The following WDPCP variants were observed in gnomAD, a reference collection of about 807,000 sequenced individuals.
WDPCP encodes the protein WD repeat containing planar cell polarity effector.
WDPCP carries 71 observed loss-of-function variants against 93.1 expected under a neutral mutation model. That is an observed-to-expected ratio of 0.76 (90% CI 0.63 to 0.93). The LOEUF (loss-of-function observed/expected upper bound fraction) is 0.93. Among genes scored for constraint, WDPCP ranks in the 40% least tolerant of loss-of-function variants. The pLI is 0.00. For synonymous variants in WDPCP, 315 were observed against 315.0 expected, an observed-to-expected ratio of 1.00 and a Z score of 0.00; for missense variants, 844 against 887.4, an observed-to-expected ratio of 0.95 and a Z score of 0.62.
intron 13 of WDPCP, among the ~76,000 whole-genome samples, chr2:63,284,001 A>G (rs192719086): frequency 3.9e-4 from 60 of 152,320 alleles, no homozygotes; most frequent in Admixed American, 1.7e-3. Flanking sequence ...CAAAAAAGAA[A>G]ATATATCGGA....
intron 1 of WDPCP, among the ~76,000 whole-genome samples, chr2:63,825,507 C>G (rs1364960020): frequency 6.6e-6 from 1 of 151,888 alleles, no homozygotes; most frequent in Non-Finnish European, 1.5e-5. Flanking sequence ...ATCAGCTGCT[C>G]TCTCTTTCTC....
chr2:63,584,157 A>AAATAAATAAATTAATGAATAAATACCCAC (rs1708685280), intron 1 of WDPCP, among the ~76,000 whole-genome samples: 1 of 152,092 alleles, frequency 6.6e-6, no homozygotes, highest in Non-Finnish European at 1.5e-5. Context: ...GATGGCCTCA[A>AAATAAATAAATTAATGAATAAATACCCAC]AATAAATAAA....
At chr2:63,460,664 T>C (rs931933894) in intron 6 of WDPCP, among the ~76,000 whole-genome samples, 2 of 151,184 alleles carry the variant, frequency 1.3e-5, no homozygotes, top group African/African-American at 2.4e-5. Context: ...AAGTCTCTCT[T>C]TTTTTTTTGA....
In WDPCP at chr2:63,353,199, C is replaced by A. The variant is rs550858854; in HGVS notation, c.1748+25187G>T. Among the ~76,000 whole-genome samples the A allele has an allele frequency of 2.6e-5, 4 of 152,312 alleles. No homozygotes were observed. In the East Asian group the frequency reaches 7.7e-4, roughly 29 times the overall value. On this transcript the variant is annotated intron_variant, in intron 12 of 17. Transcript: ENST00000272321. ...AACCCACTCCACCGGGGCCTTCAGT[C>A]TGACAGACAGAGCTACCTGGAGTCT...
chr2:63,783,410 ACT>A (rs1402793320), intron 2 of WDPCP, among the ~76,000 whole-genome samples: 5 of 151,944 alleles, frequency 3.3e-5, no homozygotes, highest in Non-Finnish European at 7.4e-5. Context: ...ACAGAGGAAG[ACT>A]CTGTCTCTAA....
intron 13 of WDPCP, among the ~76,000 whole-genome samples, chr2:63,272,994 C>G (rs1682777131): frequency 6.6e-6 from 1 of 152,004 alleles, no homozygotes; most frequent in Admixed American, 6.6e-5. Flanking sequence ...CTAAAAACAG[C>G]AAGAGAAAAG....
chr2:63,575,281 TAC>T (rs1486532937), intron 1 of WDPCP, among the ~76,000 whole-genome samples: 3 of 149,024 alleles, frequency 2.0e-5, no homozygotes, highest in Non-Finnish European at 3.0e-5. Context: ...ACATATTATA[TAC>T]ACATATATAG....
At chr2:63,735,246 G>C (rs771721741) in intron 2 of WDPCP, among the ~76,000 whole-genome samples, 4 of 152,084 alleles carry the variant, frequency 2.6e-5, no homozygotes, top group Non-Finnish European at 5.9e-5. Flanking sequence ...AAAAATTATA[G>C]GTCCCTTGCA....
At chr2:63,500,454 G>GTGTGTGTGTGT (rs1553412903) in intron 1 of WDPCP, among the ~76,000 whole-genome samples, 3,297 of 149,552 alleles carry the variant, frequency 0.022, 55 homozygotes, top group African/African-American at 0.027. Context: ...ATGGTGTGGG[G>GTGTGTGTGTGT]GTGTGTGTGT....
intron 2 of WDPCP, among the ~76,000 whole-genome samples, chr2:63,784,681 T>G (rs989345715): frequency 1.2e-4 from 18 of 151,666 alleles, no homozygotes; most frequent in African/African-American, 4.4e-4. Context: ...AAGTCAAAAT[T>G]TAGGCCCAAT....
intron 2 of WDPCP, among the ~76,000 whole-genome samples, chr2:63,813,099 C>T (rs569408172): frequency 2.0e-5 from 3 of 152,236 alleles, no homozygotes; most frequent in South Asian, 4.1e-4. Context: ...AAGTGATCCT[C>T]CCACCTTAGC....
chr2:63,324,054 T>C (rs6705322), intron 12 of WDPCP, among the ~76,000 whole-genome samples: 121,419 of 151,864 alleles, frequency 0.8, 49,419 homozygotes, highest in East Asian at 0.96. Flanking sequence ...GAAAAAGAGG[T>C]GGCTCATTTT....
At chr2:63,647,777 C>A (rs1710068191) in intron 3 of WDPCP, among the ~76,000 whole-genome samples, 1 of 151,822 alleles carries the variant, frequency 6.6e-6, no homozygotes, top group Admixed American at 6.6e-5. Context: ...GATACAAGAC[C>A]CTCTCTGTAT....
chr2:63,325,941 C>A (rs1381273959), intron 12 of WDPCP, among the ~76,000 whole-genome samples: 1 of 152,200 alleles, frequency 6.6e-6, no homozygotes, highest in African/African-American at 2.4e-5. Context: ...GACAACCCCA[C>A]AACCAGTGGC....
intron 2 of WDPCP, among the ~76,000 whole-genome samples, chr2:63,741,366 G>C (rs529998308): frequency 1.3e-5 from 2 of 151,890 alleles, no homozygotes; most frequent in East Asian, 3.9e-4. Context: ...TAAGATACCT[G>C]CACAGAGCTG....
chr2:63,780,200 A>C (rs1362159735), intron 2 of WDPCP, among the ~76,000 whole-genome samples: 1 of 152,162 alleles, frequency 6.6e-6, no homozygotes, highest in Admixed American at 6.5e-5. Context: ...TCCATCTTGC[A>C]GAAGTCACAA....
chr2:63,326,254 A>C (rs1396321738), intron 12 of WDPCP, among the ~76,000 whole-genome samples: 1 of 152,194 alleles, frequency 6.6e-6, no homozygotes, highest in African/African-American at 2.4e-5. Flanking sequence ...ATCGAGCATG[A>C]CTGCCAACAA....
chr2:63,321,516 G>A (rs139711941), intron 12 of WDPCP, among the ~76,000 whole-genome samples: 142 of 151,904 alleles, frequency 9.3e-4, no homozygotes, highest in Middle Eastern at 3.4e-3. Flanking sequence ...AAAATGTTAC[G>A]TGCAAATTAA....
intron 12 of WDPCP, among the ~76,000 whole-genome samples, chr2:63,363,504 G>T (rs577349245): frequency 6.6e-6 from 1 of 152,132 alleles, no homozygotes; most frequent in Non-Finnish European, 1.5e-5. Flanking sequence ...AGGCTAAGGT[G>T]GGACGACTGA....
Sources: gnomAD v4.1 joint callset for allele counts (sites outside exome capture counted in the v4.1 genomes callset) on GRCh38, gnomAD v4.1.1 for gene constraint, MANE v1.5 for transcripts, NCBI Gene and HGNC (gene_info 2026-07-23, HGNC 2026-07-21) for gene names.